Variants in EARS2 observed in about 807,000 individuals in gnomAD.
EARS2 encodes the protein nondiscriminating glutamyl-tRNA synthetase EARS2, mitochondrial.
Under a neutral mutation model 54.1 loss-of-function variants are expected in EARS2, and 50 were observed. The observed-to-expected ratio is 0.92, with a 90% CI of 0.74 to 1.17. The LOEUF is 1.17. EARS2 is among the 50% of genes most tolerant of loss of function. The pLI, the probability that EARS2 is intolerant of heterozygous loss-of-function variation, is 0.00. For synonymous variants in EARS2, 298 were observed against 281.0 expected (o/e 1.06, Z -0.61); for missense variants, 673 against 675.0 (o/e 1.00, Z 0.03).
chr16:23,553,063 G>C (rs1052932028), intron 1 of EARS2: 6 of 402,856 alleles, frequency 1.5e-5, no homozygotes, highest in Non-Finnish European at 2.5e-5. Context: ...GGGACGCTGA[G>C]GCTGCAGCGA....
At chr16:23,550,387 A>T (rs1057109610) in intron 2 of EARS2, among the ~76,000 whole-genome samples, 1 of 150,852 alleles carries the variant, frequency 6.6e-6, no homozygotes, top group African/African-American at 2.4e-5. Context: ...AAAAAAAGAA[A>T]TAATTAATCC....
intron 8 of EARS2, 138 bp downstream of exon 8, chr16:23,525,106 T>C: frequency 8.6e-7 from 1 of 1,157,922 alleles, no homozygotes; most frequent in East Asian, 2.4e-5. Flanking sequence ...TGTCTGTTGA[T>C]TGACTAAATG....
chr16:23,525,265 C>T lies in EARS2; in HGVS notation c.1467G>A (p.Arg489=). 3 of 1,614,144 alleles carry T rather than the reference C, an allele frequency of 1.9e-6. No individual in the cohort carries two copies. Among genetic ancestry groups the T allele is most frequent in the Non-Finnish European group, 2.5e-6 (3 of 1,180,040 alleles). ...TKYSNVMKLL[R]MALSGQQQGP... ...TCACCTGCTGTCCACTGAGGGCCAT[C>T]CGAAGGAGTTTCATCACATTACTGT... is the stretch of plus-strand genomic sequence containing the variant. Residue 489 remains arginine (R), a synonymous_variant, in exon 8 of 9, where the codon CGG becomes CGA. Transcript: ENST00000449606.
chr16:23,544,459 G>A (rs1965566658), intron 3 of EARS2, 55 bp downstream of exon 3: 3 of 1,538,096 alleles, frequency 2.0e-6, no homozygotes, highest in South Asian at 1.2e-5. Flanking sequence ...CGCAGCACAA[G>A]GTAACAAACA....
intron 3 of EARS2, among the ~76,000 whole-genome samples, chr16:23,539,313 T>C (rs895714778): frequency 1.3e-5 from 2 of 152,160 alleles, no homozygotes; most frequent in Admixed American, 6.6e-5. Context: ...TTGCATTGAG[T>C]TTATAAACTT....
chr16:23,535,385 G>A (rs1163736796), intron 3 of EARS2, 25 bp from the exon 4 acceptor site: 14 of 1,582,844 alleles, frequency 8.8e-6, no homozygotes, highest in Non-Finnish European at 1.2e-5. Context: ...AGCAGCATGA[G>A]TACTGTTGAT....
At chr16:23,541,159 T>C (rs760391184) in intron 3 of EARS2, among the ~76,000 whole-genome samples, 1 of 151,848 alleles carries the variant, frequency 6.6e-6, no homozygotes, top group Non-Finnish European at 1.5e-5. Context: ...ACCCCATCTC[T>C]ACCAAAAAAA....
chr16:23,550,368 TAA>T (rs770772133), intron 2 of EARS2, among the ~76,000 whole-genome samples: 32 of 128,810 alleles, frequency 2.5e-4, no homozygotes, highest in Non-Finnish European at 2.5e-4. Flanking sequence ...TTTTGTTTGT[TAA>T]AAAAAAAAAA....
rs182477451 is a variant in EARS2, at chr16:23,556,259, C to T, written c.139+946G>A. Among the ~76,000 whole-genome samples the T allele has an allele frequency of 3.4e-3, 518 of 152,278 alleles. 1 individual carries two copies. The highest frequency in any genetic ancestry group is 6.8e-3 in the Middle Eastern group (2 of 294). On this transcript the variant is annotated intron_variant, in intron 1 of 8. Coordinates refer to ENST00000449606, the MANE Select transcript of EARS2 (RefSeq NM_001083614.2). ...AGGCCCTGACGAGATCTCCAACAGG[C>T]TATACAATGGGCCTCTGTCACCCTC...
intron 2 of EARS2, among the ~76,000 whole-genome samples, chr16:23,546,821 T>C (rs1343581122): frequency 6.6e-6 from 1 of 152,200 alleles, no homozygotes; most frequent in Non-Finnish European, 1.5e-5. Context: ...GGCTTCCCAG[T>C]GTTGGGATTA....
Position 23,556,916 on chromosome 16 carries a change from C to A in EARS2, c.139+289G>T, listed in dbSNP as rs573928938. 3 of 642,438 alleles carry A rather than the reference C, an allele frequency of 4.7e-6. No individual in the cohort carries two copies. In the East Asian group the frequency reaches 9.5e-5, roughly 20 times the overall value. The allele number at this position is 642,438 out of a possible 1,614,324, so 39.8% of individuals were successfully genotyped here. A position where few individuals can be genotyped will look rare whatever the true frequency, so the allele number is the denominator to read the frequency against. On this transcript the variant is annotated intron_variant, in intron 1 of 8. Transcript: ENST00000449606. ...TTTCTCAATGATCACTGTATCCCAGCGTCTACAACACCTGTTACACAGGTT... is the reference window on the plus strand; with the variant it reads ...TTTCTCAATGATCACTGTATCCCAGAGTCTACAACACCTGTTACACAGGTT...
chr16:23,543,450 C>A (rs539033663), intron 3 of EARS2, among the ~76,000 whole-genome samples: 20 of 147,856 alleles, frequency 1.4e-4, no homozygotes, highest in African/African-American at 2.5e-4. Context: ...AAAAAAAAAA[C>A]CAAAAAACCT....
chr16:23,549,398 G>A (rs113038988), intron 2 of EARS2, among the ~76,000 whole-genome samples: 1,670 of 152,322 alleles, frequency 0.011, 28 homozygotes, highest in African/African-American at 0.038. Context: ...AAGTGGGCAT[G>A]AGCCAAGTGC....
intron 1 of EARS2, chr16:23,556,719 G>A (rs995345778): frequency 5.5e-6 from 2 of 361,182 alleles, no homozygotes; most frequent in Admixed American, 3.9e-5. Flanking sequence ...TTGGATCTCA[G>A]CTCAAATGTT....
Position 23,535,056 on chromosome 16 carries a change from G to C in EARS2, c.790C>G (p.Leu264Val), listed in dbSNP as rs1555503379. 2 of 1,608,004 alleles carry C rather than the reference G, an allele frequency of 1.2e-6. No individual in the cohort carries two copies. Among genetic ancestry groups the C allele is most frequent in the Non-Finnish European group, 1.7e-6 (2 of 1,177,798 alleles). The change falls in exon 4 of 9, where the codon CTG (leucine) becomes GTG (valine). Residue 264 changes from leucine (L) to valine (V), a missense_variant. Leu to Val is a conservative substitution (Grantham distance 32). Transcript: ENST00000449606. The stretch of plus-strand genomic sequence containing the variant: ...GCGAAGTGGGGTGGCTGCCAGCCCA[G>C]GGCCTGGTAGAGGAGCAGGTGCTTG... ...TAKHLLLYQALGWQPPHFAHL... is the reference protein window; with the variant it reads ...TAKHLLLYQAVGWQPPHFAHL...
intron 2 of EARS2, chr16:23,546,514 T>A (rs1349081804): frequency 2.2e-6 from 1 of 448,040 alleles, no homozygotes; most frequent in African/African-American, 2.0e-5. Context: ...AGTAAAGTAC[T>A]CATCAAGTGG....
chr16:23,553,574 T>C (rs1343431443), intron 1 of EARS2, among the ~76,000 whole-genome samples: 3 of 151,732 alleles, frequency 2.0e-5, no homozygotes, highest in Admixed American at 2.0e-4. Context: ...CTGGGCAACA[T>C]TGTGAGATCC....
At chr16:23,540,165 AAACAT>A (rs1177551565) in intron 3 of EARS2, among the ~76,000 whole-genome samples, 2 of 152,100 alleles carry the variant, frequency 1.3e-5, no homozygotes, top group Non-Finnish European at 2.9e-5. Flanking sequence ...AAACAAAACA[AAACAT>A]AACACTCTGT....
intron 2 of EARS2, among the ~76,000 whole-genome samples, chr16:23,549,440 C>A (rs1386710608): frequency 2.6e-5 from 4 of 152,200 alleles, no homozygotes; most frequent in African/African-American, 9.7e-5. Context: ...CCAGAAGGCC[C>A]AAGCGAGGCC....
Sources: gnomAD v4.1 joint callset for allele counts (sites outside exome capture counted in the v4.1 genomes callset) on GRCh38, gnomAD v4.1.1 for gene constraint, MANE v1.5 for transcripts, NCBI Gene and HGNC (gene_info 2026-07-23, HGNC 2026-07-21) for gene names.